The following TOP1 variants were observed in gnomAD, a reference collection of about 807,000 sequenced individuals.
The protein encoded by TOP1 is DNA topoisomerase 1.
In TOP1, 10 loss-of-function variants were observed where a neutral mutation model predicts 111.1. The observed-to-expected ratio is 0.09, with a 90% CI of 0.06 to 0.15. The LOEUF (loss-of-function observed/expected upper bound fraction) is 0.15, where lower values mean the gene tolerates loss of function less well. TOP1 is among the 10% of genes least tolerant of loss of function. TOP1 has a pLI of 1.00. For synonymous variants in TOP1, 271 were observed against 302.9 expected (o/e 0.89, Z 1.10); for missense variants, 474 against 926.7 (o/e 0.51, Z 6.34).
At position 41,058,137 on chromosome 20, in the gene TOP1, G is replaced by A. The variant is rs985472047; in HGVS notation, c.59-3257G>A. ...GGAATTTCTTACAGTTAGTACTACG[G>A]TCATGCAGATTTCTATTTTCCCAGG... On this transcript the variant is annotated intron_variant, in intron 2 of 20. Transcript: ENST00000361337. The surrounding 1 kb of genome is among the most constrained non-coding windows in gnomAD (Gnocchi z 4.2). Among the ~76,000 whole-genome samples the A allele has an allele frequency of 6.6e-6, 1 of 152,146 alleles. No individual in the cohort carries two copies. Among genetic ancestry groups the A allele is most frequent in the African/African-American group, 2.4e-5 (1 of 41,424 alleles).
chr20:41,123,771 A>G lies in TOP1; in HGVS notation c.*474A>G. ...TCAGGAATTTAAAATTAAGTAGAAC[A>G]AAAAACCCAGCGCACCTGTTAGAGT... On this transcript the variant is annotated 3_prime_UTR_variant, in exon 21 of 21. Transcript: ENST00000361337. This position sits in a 1 kb window ranked among gnomAD's most constrained non-coding sequence, Gnocchi z 5.8. The G allele has an allele frequency of 4.3e-6, 1 of 232,510 alleles. No homozygotes were observed. Among genetic ancestry groups the G allele is most frequent in the Admixed American group, 5.6e-5 (1 of 17,754 alleles). The allele number at this position is 232,510 out of a possible 1,614,324, so 14.4% of individuals were successfully genotyped here.
At position 41,094,504 on chromosome 20, in the gene TOP1, T is replaced by C. The variant is rs1248970978; in HGVS notation, c.730+1917T>C. On this transcript the variant is annotated intron_variant, in intron 9 of 20. Transcript: ENST00000361337. The surrounding 1 kb of genome is among the most constrained non-coding windows in gnomAD (Gnocchi z 4.4). ...CTGTGGTTTCTCTTCCTTTTCAAGA[T>C]AGGAAGCAGAGGCCTGGTCTAGTTC... Among the ~76,000 whole-genome samples, 1 of 152,140 alleles carries C rather than the reference T, an allele frequency of 6.6e-6. No individual in the cohort carries two copies. Among genetic ancestry groups the C allele is most frequent in the Non-Finnish European group, 1.5e-5 (1 of 68,012 alleles).
rs1187879998 is a variant in TOP1 at position 41,058,129 on chromosome 20, G to A, written c.59-3265G>A. ...GTAGGATGGGAATTTCTTACAGTTA[G>A]TACTACGGTCATGCAGATTTCTATT... On this transcript the variant is annotated intron_variant, in intron 2 of 20. Transcript: ENST00000361337. The surrounding 1 kb of genome is among the most constrained non-coding windows in gnomAD (Gnocchi z 4.2). Among the ~76,000 whole-genome samples the A allele has an allele frequency of 1.3e-5, 2 of 152,128 alleles. No homozygotes were observed. Among genetic ancestry groups the A allele is most frequent in the Admixed American group, 6.5e-5 (1 of 15,278 alleles).
In TOP1 at chr20:41,082,958, AG is replaced by A. The variant is rs1311082796; in HGVS notation, c.508-1499del. Among the ~76,000 whole-genome samples the A allele has an allele frequency of 6.6e-6, 1 of 152,190 alleles. No individual in the cohort carries two copies. The highest frequency in any genetic ancestry group is 1.5e-5 in the Non-Finnish European group (1 of 68,022). On this transcript the variant is annotated intron_variant, in intron 7 of 20. Transcript: ENST00000361337. This position sits in a 1 kb window ranked among gnomAD's most constrained non-coding sequence, Gnocchi z 4.1. ...ATTCTATTTAGCAGCCCTACCACATAGGGGGAAAAATGCTGGCTGAAAGACT... is the reference window on the plus strand; with the variant it reads ...ATTCTATTTAGCAGCCCTACCACATAGGGGAAAAATGCTGGCTGAAAGACT...
At position 41,028,834 on chromosome 20, in the gene TOP1, TA is replaced by T. The variant is rs1161641999; in HGVS notation, c.-233del. Reference sequence around the variant, plus strand: ...GGCGCAGTGAGCCCAAATGCGAACTTAGGCTGTTACACAACTGCTGGGGTCT... The same window carrying T: ...GGCGCAGTGAGCCCAAATGCGAACTTGGCTGTTACACAACTGCTGGGGTCT... On this transcript the variant is annotated 5_prime_UTR_variant, in exon 1 of 21. It removes the in-frame stop codon of an upstream open reading frame in the 5' UTR. Transcript: ENST00000361337. 9.6e-6 allele frequency: 5 copies of T among 523,540 alleles called. No homozygotes were observed. Among genetic ancestry groups the T allele is most frequent in the African/African-American group, 2.0e-5 (1 of 49,168 alleles). 32.4% of individuals were successfully genotyped at this position (523,540 alleles called of 1,614,324 possible). A position where few individuals can be genotyped will look rare whatever the true frequency, so the allele number is the denominator to read the frequency against.
At chr20:41,090,564 G>A (rs929542841) in intron 8 of TOP1, among the ~76,000 whole-genome samples, 12 of 152,060 alleles carry the variant, frequency 7.9e-5, no homozygotes, top group African/African-American at 2.2e-4. Context: ...GTGCAGTCAC[G>A]TGATCTCGGC....
rs1010765415 is a variant in TOP1 at position 41,098,941 on chromosome 20, G to A, written c.975+604G>A. 2 of 152,088 alleles carry A rather than the reference G, an allele frequency of 1.3e-5. No homozygotes were observed. The highest frequency in any genetic ancestry group is 1.3e-4 in the Admixed American group (2 of 15,270). The allele number at this position is 152,088 out of a possible 1,614,324, so 9.4% of individuals were successfully genotyped here. A position where few individuals can be genotyped will look rare whatever the true frequency, so the allele number is the denominator to read the frequency against. ...GACAGAGATGAGTAGTTGCAAAAGAGAGTAGTTGCAAAAGAGACTGTGTGG... is the reference window on the plus strand; with the variant it reads ...GACAGAGATGAGTAGTTGCAAAAGAAAGTAGTTGCAAAAGAGACTGTGTGG... On this transcript the variant is annotated intron_variant, in intron 11 of 20. Transcript: ENST00000361337. This position sits in a 1 kb window ranked among gnomAD's most constrained non-coding sequence, Gnocchi z 5.7.
chr20:41,086,173 G>T (rs2033845579), intron 8 of TOP1, among the ~76,000 whole-genome samples: 1 of 151,538 alleles, frequency 6.6e-6, no homozygotes, highest in Non-Finnish European at 1.5e-5. Flanking sequence ...TGAGGCAGGA[G>T]AATTGCTTGA....
chr20:41,070,657 A>G lies in TOP1; in HGVS notation c.156-5514A>G, dbSNP rs561825401. On this transcript the variant is annotated intron_variant, in intron 3 of 20. Transcript: ENST00000361337. Reference sequence around the variant, plus strand: ...TTTGAAGCTCTCTGTGCTGTCTCACAGGAATCCCCATGATCCAACTTCATG... The same window carrying G: ...TTTGAAGCTCTCTGTGCTGTCTCACGGGAATCCCCATGATCCAACTTCATG... Among the ~76,000 whole-genome samples, 38 of 152,256 alleles carry G rather than the reference A, an allele frequency of 2.5e-4. 1 individual carries two copies. The highest frequency in any genetic ancestry group is 8.7e-4 in the African/African-American group (36 of 41,468).
rs921775310 is a variant in TOP1 at position 41,029,560 on chromosome 20, A to G, written c.58+105A>G. 2.2e-6 allele frequency: 2 copies of G among 901,250 alleles called. No homozygotes were observed. The highest frequency in any genetic ancestry group is 1.8e-6 in the Non-Finnish European group (1 of 569,416). The allele number at this position is 901,250 out of a possible 1,614,324, so 55.8% of individuals were successfully genotyped here. A position where few individuals can be genotyped will look rare whatever the true frequency, so the allele number is the denominator to read the frequency against. On this transcript the variant is annotated intron_variant, in intron 2 of 20. Transcript: ENST00000361337. The surrounding 1 kb of genome is among the most constrained non-coding windows in gnomAD (Gnocchi z 6.1). ...GGACAGACATGGCGTCCCAGAGACT[A>G]AGTCCCGGCTCCTCGCTCACCGGCC...
intron 3 of TOP1, among the ~76,000 whole-genome samples, chr20:41,068,361 C>T (rs988103892): frequency 6.6e-6 from 1 of 152,198 alleles, no homozygotes; most frequent in African/African-American, 2.4e-5. Context: ...TCACTTATCT[C>T]TTGACACTGC....
intron 3 of TOP1, among the ~76,000 whole-genome samples, chr20:41,065,373 C>G (rs1470587741): frequency 6.6e-6 from 1 of 152,180 alleles, no homozygotes; most frequent in Admixed American, 6.5e-5. Flanking sequence ...GTTATTAAGT[C>G]ACTTTGGCTT....
At position 41,122,258 on chromosome 20, in the gene TOP1, CT is replaced by C; in HGVS notation, c.2195+106del. On this transcript the variant is annotated intron_variant, in intron 20 of 20. Transcript: ENST00000361337. The surrounding 1 kb of genome is among the most constrained non-coding windows in gnomAD (Gnocchi z 5.4). ...TCACATGCCATTCCTAAGCTACACA[CT>C]TTAGTCCTCTGGGGAAACTTCTGGC... 8.2e-7 allele frequency: 1 copy of C among 1,225,510 alleles called. No homozygotes were observed. The highest frequency in any genetic ancestry group is 1.2e-6 in the Non-Finnish European group (1 of 860,584). 75.9% of individuals were successfully genotyped at this position (1,225,510 alleles called of 1,614,324 possible).
Position 41,043,658 on chromosome 20 carries a change from CCAGA to C in TOP1, c.58+14206_58+14209del, listed in dbSNP as rs200262390. Among the ~76,000 whole-genome samples the C allele has an allele frequency of 7.1e-3, 1,087 of 152,296 alleles. 27 individuals are homozygous for C. Among genetic ancestry groups the C allele is most frequent in the Non-Finnish European group, 4.3e-3 (291 of 68,024 alleles). ...GTCAGCACACTTAAAGTCTTTATGG[CCAGA>C]CAAAGTATGGTCTTAGTGTGTTTGG... On this transcript the variant is annotated intron_variant, in intron 2 of 20. Coordinates refer to ENST00000361337, the MANE Select transcript of TOP1 (RefSeq NM_003286.4).
chr20:41,107,535 T>G (rs2034166078), intron 13 of TOP1, among the ~76,000 whole-genome samples: 1 of 152,220 alleles, frequency 6.6e-6, no homozygotes, highest in South Asian at 2.1e-4. Context: ...TACCACTTTT[T>G]GTTTTCAAAA....
Position 41,078,526 on chromosome 20 carries a change from C to T in TOP1, c.335+889C>T, listed in dbSNP as rs543644746. On this transcript the variant is annotated intron_variant, in intron 5 of 20. Coordinates refer to ENST00000361337, the MANE Select transcript of TOP1 (RefSeq NM_003286.4). This position sits in a 1 kb window ranked among gnomAD's most constrained non-coding sequence, Gnocchi z 5.3. Reference sequence around the variant, plus strand: ...CTTTAGACAAGGAGAAAAGCAGGTGCCCTCTTCAGGCATGTTTCATAATTG... The same window carrying T: ...CTTTAGACAAGGAGAAAAGCAGGTGTCCTCTTCAGGCATGTTTCATAATTG... Among the ~76,000 whole-genome samples the T allele has an allele frequency of 9.9e-5, 15 of 152,140 alleles. No homozygotes were observed. The highest frequency in any genetic ancestry group is 2.1e-4 in the Non-Finnish European group (14 of 68,028).
At chr20:41,107,171 G>A (rs1247615377) in intron 13 of TOP1, among the ~76,000 whole-genome samples, 1 of 151,982 alleles carries the variant, frequency 6.6e-6, no homozygotes, top group Non-Finnish European at 1.5e-5. Context: ...TGTCTTATAG[G>A]GAAGATTCTG....
chr20:41,113,878 T>TC, intron 14 of TOP1, 92 bp from the exon 15 acceptor site: 10 of 815,018 alleles, frequency 1.2e-5, no homozygotes, highest in Non-Finnish European at 1.8e-5. Context: ...CGAGACTGTC[T>TC]CAAAAAAAAA....
intron 18 of TOP1, among the ~76,000 whole-genome samples, chr20:41,120,382 C>T (rs920387096): frequency 1.3e-5 from 2 of 152,190 alleles, no homozygotes; most frequent in Non-Finnish European, 2.9e-5. Context: ...CAAACAATTC[C>T]AGGTTCAGTG....
Sources: gnomAD v4.1 joint callset for allele counts (sites outside exome capture counted in the v4.1 genomes callset) on GRCh38, gnomAD v4.1.1 for gene constraint, Gnocchi (gnomAD v3.1) non-coding constraint, MANE v1.5 for transcripts, NCBI Gene and HGNC (gene_info 2026-07-23, HGNC 2026-07-21) for gene names.